ADCY10: variants seen among roughly 807,000 people sequenced by gnomAD.
ADCY10 encodes the protein adenylate cyclase 10.
In ADCY10, 156 loss-of-function variants were observed where a neutral mutation model predicts 183.3. The observed-to-expected ratio is 0.85, with a 90% CI of 0.75 to 0.97. The LOEUF (loss-of-function observed/expected upper bound fraction) is 0.97, where lower values mean the gene tolerates loss of function less well. ADCY10 is among the 50% of genes least tolerant of loss of function. ADCY10 has a pLI of 0.00. For synonymous variants in ADCY10, 645 were observed against 670.0 expected (o/e 0.96, Z 0.58); for missense variants, 1,745 against 1,934.3 (o/e 0.90, Z 1.84).
At chr1:167,856,555 A>G (rs1665915270) in intron 16 of ADCY10, 116 bp from the exon 17 acceptor site, 2 of 983,606 alleles carry the variant, frequency 2.0e-6, no homozygotes, top group African/African-American at 3.2e-5. Context: ...GATGCAGCGA[A>G]AGAACTAAGT....
At position 167,856,376 on chromosome 1, in the gene ADCY10, A is replaced by G. The variant is rs747650188; in HGVS notation, c.1960T>C (p.Trp654Arg). 1.9e-6 allele frequency: 3 copies of G among 1,614,108 alleles called. No individual in the cohort carries two copies. Among genetic ancestry groups the G allele is most frequent in the African/African-American group, 2.7e-5 (2 of 74,928 alleles). ...DEAQFVDSTS[W>R]RFMEKLIRTL... ...CGGATAAGCTTCTCCATAAATCTCC[A>G]GGAGGTCGAATCCACAAACTGGGCC... The change falls in exon 17 of 33, where the codon TGG (tryptophan) becomes CGG (arginine). Residue 654 changes from tryptophan (W) to arginine (R), a missense_variant. Trp to Arg is a moderately radical substitution (Grantham distance 101). Coordinates refer to ENST00000367851, the MANE Select transcript of ADCY10 (RefSeq NM_018417.6).
intron 21 of ADCY10, among the ~76,000 whole-genome samples, chr1:167,842,831 T>C (rs1245240092): frequency 6.6e-6 from 1 of 152,166 alleles, no homozygotes; most frequent in Non-Finnish European, 1.5e-5. Flanking sequence ...AATTTGATTT[T>C]CTTAAAAATC....
At chr1:167,886,511 C>A (rs1668234684) in intron 8 of ADCY10, among the ~76,000 whole-genome samples, 1 of 152,176 alleles carries the variant, frequency 6.6e-6, no homozygotes, top group Non-Finnish European at 1.5e-5. Flanking sequence ...AAAGCTGAAA[C>A]TGGATCCCTT....
In ADCY10 at chr1:167,883,355, G is replaced by C; in HGVS notation, c.1020+82C>G. On this transcript the variant is annotated intron_variant, in intron 9 of 32. Transcript: ENST00000367851. ...GCCCAGCCTCTAGGTTAAATTTCCT[G>C]TGTCTATTCTCACCAATGTGCTTGT... 2.0e-6 allele frequency: 3 copies of C among 1,491,884 alleles called. No individual in the cohort carries two copies. In the South Asian group the frequency reaches 3.4e-5, roughly 17 times the overall value. 92.4% of individuals were successfully genotyped at this position (1,491,884 alleles called of 1,614,324 possible).
chr1:167,820,374 C>A, intron 30 of ADCY10: 1 of 602,176 alleles, frequency 1.7e-6, no homozygotes, highest in Non-Finnish European at 2.7e-6. Flanking sequence ...CGCGCCTCGC[C>A]TAGCCCGCCT....
At position 167,829,435 on chromosome 1, in the gene ADCY10, G is replaced by A; in HGVS notation, c.3594-12C>T. 1.9e-6 allele frequency: 3 copies of A among 1,613,948 alleles called. No individual in the cohort carries two copies. Among genetic ancestry groups the A allele is most frequent in the Non-Finnish European group, 2.5e-6 (3 of 1,179,944 alleles). On this transcript the variant is annotated splice_polypyrimidine_tract_variant and intron_variant, in intron 25 of 32. Transcript: ENST00000367851. ...CCAGCCTCTTCTTCCTATTGGATAA[G>A]GTAAACACAAATGGAACATGAAAGG...
At chr1:167,900,042 G>C (rs1255227418) in intron 5 of ADCY10, among the ~76,000 whole-genome samples, 2 of 152,194 alleles carry the variant, frequency 1.3e-5, no homozygotes, top group African/African-American at 4.8e-5. Context: ...AGACAACAAA[G>C]GGTGGGGGAA....
chr1:167,895,027 C>G (rs1473699415), intron 7 of ADCY10, among the ~76,000 whole-genome samples: 1 of 151,918 alleles, frequency 6.6e-6, no homozygotes, highest in Non-Finnish European at 1.5e-5. Context: ...ACTAAAAATA[C>G]AAAAATTAGC....
At chr1:167,820,433 G>C in intron 30 of ADCY10, 1 of 511,342 alleles carries the variant, frequency 2.0e-6, no homozygotes, top group Non-Finnish European at 3.4e-6. Context: ...TGATTTTTAT[G>C]CCCACTAAAG....
Position 167,845,791 on chromosome 1 carries a change from G to C in ADCY10, c.2779C>G (p.Arg927Gly). Residue 927 changes from arginine (R) to glycine (G), a missense_variant, in exon 21 of 33, where the codon CGA (arginine) becomes GGA (glycine). Coordinates refer to ENST00000367851, the MANE Select transcript of ADCY10 (RefSeq NM_018417.6). Reference protein sequence around the residue: ...ENEVIECHRIRFCNPMMQKTA... With the variant: ...ENEVIECHRIGFCNPMMQKTA... ...TTCTGCATCATAGGGTTACAGAATC[G>C]AATCCTGTGGCACTCGATCACCTCA... 6.2e-7 allele frequency: 1 copy of C among 1,614,112 alleles called. No homozygotes were observed. The highest frequency in any genetic ancestry group is 8.5e-7 in the Non-Finnish European group (1 of 1,180,018).
At chr1:167,860,831 C>T in intron 15 of ADCY10, 40 bp downstream of exon 15, 1 of 1,557,526 alleles carries the variant, frequency 6.4e-7, no homozygotes, top group East Asian at 2.2e-5. Flanking sequence ...CTGTGCCTGC[C>T]CATGGCTATT....
intron 7 of ADCY10, among the ~76,000 whole-genome samples, 164 bp downstream of exon 7, chr1:167,896,431 A>C (rs539699747): frequency 6.6e-6 from 1 of 152,080 alleles, no homozygotes; most frequent in Admixed American, 6.5e-5. Flanking sequence ...TCATACTTAG[A>C]ATTGCTGTCC....
intron 7 of ADCY10, among the ~76,000 whole-genome samples, 177 bp downstream of exon 7, chr1:167,896,418 G>A (rs1301433523): frequency 6.6e-6 from 1 of 152,074 alleles, no homozygotes. Context: ...GGTGTGGGGA[G>A]TGTCATACTT....
At chr1:167,823,949 G>A (rs1382050184) in intron 28 of ADCY10, among the ~76,000 whole-genome samples, 1 of 152,224 alleles carries the variant, frequency 6.6e-6, no homozygotes, top group Non-Finnish European at 1.5e-5. Flanking sequence ...CAGCTGGGAT[G>A]ACTGTCTGAC....
chr1:167,841,501 C>CTTTTT (rs1664634884), intron 21 of ADCY10, among the ~76,000 whole-genome samples: 3 of 68,086 alleles, frequency 4.4e-5, no homozygotes, highest in Non-Finnish European at 7.6e-5. Context: ...TATATGCTTT[C>CTTTTT]CTTTTTTTTT....
At chr1:167,846,462 G>C (rs765031033) in intron 19 of ADCY10, among the ~76,000 whole-genome samples, 199 bp from the exon 20 acceptor site, 3 of 152,158 alleles carry the variant, frequency 2.0e-5, no homozygotes, top group African/African-American at 7.2e-5. Context: ...AAAGATGCAG[G>C]CTTATGGCCT....
chr1:167,837,235 A>T lies in ADCY10; in HGVS notation c.3077+14T>A, dbSNP rs772774957. 1.3e-6 allele frequency: 2 copies of T among 1,598,418 alleles called. No homozygotes were observed. On this transcript the variant is annotated intron_variant, in intron 22 of 32. Transcript: ENST00000367851. ...TTTATGCTCTACTTCCTAAACAATG[A>T]TATATGCCTCTACCTGCGATTTTCA... is the stretch of plus-strand genomic sequence containing the variant.
chr1:167,833,919 A>G (rs1230002002), intron 24 of ADCY10, 51 bp downstream of exon 24: 6 of 1,405,786 alleles, frequency 4.3e-6, no homozygotes, highest in Non-Finnish European at 6.0e-6. Flanking sequence ...ACTTCTATGG[A>G]AAGGCCTAAG....
chr1:167,823,117 C>A lies in ADCY10; in HGVS notation c.4059G>T (p.Pro1353=), dbSNP rs201556412. Residue 1353 remains proline, a synonymous_variant, in exon 29 of 33, where the codon CCG becomes CCT. Transcript: ENST00000367851. ...SRCLLLNSRY[P]QLIQVLGRLW... ...GCCGCCCCAGCACCTGGATCAATTG[C>A]GGGTATCTATGGAAAAGAAAAGGTA... is the stretch of plus-strand genomic sequence containing the variant. The A allele has an allele frequency of 3.8e-4, 613 of 1,613,794 alleles. 1 individual carries two copies. The highest frequency in any genetic ancestry group is 5.2e-4 in the South Asian group (47 of 91,082).
Sources: allele counts gnomAD v4.1 joint callset (sites outside exome capture counted in the v4.1 genomes callset), GRCh38; gene constraint gnomAD v4.1.1; transcripts MANE v1.5; gene names NCBI Gene and HGNC (gene_info 2026-07-23, HGNC 2026-07-21).